Variants in PTCHD4 observed in about 807,000 individuals in gnomAD.
PTCHD4 encodes the protein patched domain containing 4.
A neutral mutation model predicts 58.1 loss-of-function variants in PTCHD4; 33 were observed. That is an observed-to-expected ratio of 0.57 (90% CI 0.43 to 0.76). The LOEUF (loss-of-function observed/expected upper bound fraction) is 0.76. Among genes scored for constraint, PTCHD4 ranks in the 30% least tolerant of loss-of-function variants. The probability of loss-of-function intolerance (pLI) is 0.00; values close to 1 mark genes in which losing one functional copy is unlikely to be tolerated. For missense variants in PTCHD4, 1,058 were observed against 1,027.1 expected (o/e 1.03, Z -0.41); for synonymous variants, 478 against 409.6 (o/e 1.17, Z -2.02).
chr6:47,976,018 T>G (rs1767678976), intron 4 of PTCHD4, among the ~76,000 whole-genome samples: 1 of 152,228 alleles, frequency 6.6e-6, no homozygotes, highest in African/African-American at 2.4e-5. Flanking sequence ...TTCGAGCATT[T>G]ATGGACTACT....
At chr6:47,983,427 TCAGA>T (rs1767955319) in intron 4 of PTCHD4, among the ~76,000 whole-genome samples, 1 of 152,180 alleles carries the variant, frequency 6.6e-6, no homozygotes, top group South Asian at 2.1e-4. Flanking sequence ...TTCTTACTGT[TCAGA>T]CAAACATTCT....
At chr6:48,011,117 T>C (rs1762654476) in intron 3 of PTCHD4, among the ~76,000 whole-genome samples, 1 of 148,716 alleles carries the variant, frequency 6.7e-6, no homozygotes, top group African/African-American at 2.5e-5. Context: ...CTTGGTCAAG[T>C]GGTATTTCTG....
intron 4 of PTCHD4, among the ~76,000 whole-genome samples, chr6:47,958,623 A>G (rs948215961): frequency 6.6e-6 from 1 of 152,184 alleles, no homozygotes; most frequent in East Asian, 1.9e-4. Context: ...CACAGAATAG[A>G]ATACTGGAGA....
At chr6:48,102,500 T>C (rs937204389) in intron 1 of PTCHD4, among the ~76,000 whole-genome samples, 10 of 152,174 alleles carry the variant, frequency 6.6e-5, no homozygotes, top group African/African-American at 2.2e-4. Context: ...GATGGCCAAA[T>C]AGGAACAGCT....
chr6:48,096,883 GAA>G (rs1321468688), intron 1 of PTCHD4, among the ~76,000 whole-genome samples: 1 of 151,978 alleles, frequency 6.6e-6, no homozygotes, highest in Non-Finnish European at 1.5e-5. Flanking sequence ...AATGTAAAAA[GAA>G]TGCATTGATT....
At chr6:48,103,412 C>T (rs1283796945) in intron 1 of PTCHD4, among the ~76,000 whole-genome samples, 2 of 152,126 alleles carry the variant, frequency 1.3e-5, no homozygotes, top group African/African-American at 4.8e-5. Context: ...AGAAGGAAAA[C>T]TAAAAAACAG....
intron 4 of PTCHD4, among the ~76,000 whole-genome samples, chr6:48,004,613 C>G (rs1208078824): frequency 6.6e-6 from 1 of 152,098 alleles, no homozygotes; most frequent in Non-Finnish European, 1.5e-5. Context: ...GAGGTCCTTT[C>G]AAGTATTTTT....
Position 47,967,762 on chromosome 6 carries a change from C to G in PTCHD4, c.898+40872G>C, listed in dbSNP as rs1767348387. Among the ~76,000 whole-genome samples, 4 of 152,188 alleles carry G rather than the reference C, an allele frequency of 2.6e-5. No individual in the cohort carries two copies. The South Asian group carries it at 8.3e-4, about 31-fold the overall frequency. On this transcript the variant is annotated intron_variant, in intron 4 of 4. Coordinates refer to ENST00000339488, the MANE Select transcript of PTCHD4 (RefSeq NM_001384253.1). ...TCTCTCCCTAAACTTCATGAATCAA[C>G]TTTTGCTAGCTTCAAACTTTTCTTC...
In PTCHD4 at chr6:47,879,193, C is replaced by A. The variant is rs1399219388; in HGVS notation, c.1642G>T (p.Val548Leu). 6.2e-7 allele frequency: 1 copy of A among 1,612,414 alleles called. No homozygotes were observed. The highest frequency in any genetic ancestry group is 8.5e-7 in the Non-Finnish European group (1 of 1,179,688). ...LCSGFTAVSW[V>L]EQYYQFLKVS... ...TTCAGGAACTGGTAGTACTGCTCCA[C>A]CCAGGACACTGCAGTGAATCCACTA... Residue 548 changes from valine to leucine, a missense_variant, in exon 5 of 5, where the codon GTG (valine) becomes TTG (leucine). Val to Leu is a conservative substitution (Grantham distance 32). Transcript: ENST00000339488.
At position 47,877,715 on chromosome 6, in the gene PTCHD4, T is replaced by C. The variant is rs762544438; in HGVS notation, c.*588A>G. Among the ~76,000 whole-genome samples, 1 of 152,030 alleles carries C rather than the reference T, an allele frequency of 6.6e-6. No homozygotes were observed. Among genetic ancestry groups the C allele is most frequent in the Non-Finnish European group, 1.5e-5 (1 of 67,980 alleles). Reference sequence around the variant, plus strand: ...AGGGAAAAGCCAGCCTATCTTCAAATGGACAGCTCCCTCCACATAAACGTC... The same window carrying C: ...AGGGAAAAGCCAGCCTATCTTCAAACGGACAGCTCCCTCCACATAAACGTC... On this transcript the variant is annotated 3_prime_UTR_variant, in exon 5 of 5. Coordinates refer to ENST00000339488, the MANE Select transcript of PTCHD4 (RefSeq NM_001384253.1).
chr6:47,878,863 C>T lies in PTCHD4; in HGVS notation c.1972G>A (p.Val658Ile). 6.2e-7 allele frequency: 1 copy of T among 1,613,712 alleles called. No individual in the cohort carries two copies. Among genetic ancestry groups the T allele is most frequent in the Non-Finnish European group, 8.5e-7 (1 of 1,179,770 alleles). ...DHYSLSVTVP[V>I]LIAGFGVLLV... is the part of the protein sequence containing the mutation. ...AGAACACCAAAGCCTGCAATCAGAA[C>T]AGGCACTGTGACAGACAAGCTGTAA... Residue 658 changes from valine (V) to isoleucine (I), a missense_variant, in exon 5 of 5, where the codon GTT becomes ATT. By Grantham distance (29) the Val-to-Ile change is conservative (BLOSUM62 3). Coordinates refer to ENST00000339488, the MANE Select transcript of PTCHD4 (RefSeq NM_001384253.1).
intron 4 of PTCHD4, among the ~76,000 whole-genome samples, chr6:47,910,591 A>G (rs1181938570): frequency 6.6e-6 from 1 of 152,142 alleles, no homozygotes; most frequent in Non-Finnish European, 1.5e-5. Flanking sequence ...TTGGTTCTTT[A>G]AATCAAGATA....
At chr6:47,911,939 T>G (rs1765083426) in intron 4 of PTCHD4, among the ~76,000 whole-genome samples, 1 of 152,128 alleles carries the variant, frequency 6.6e-6, no homozygotes, top group South Asian at 2.1e-4. Context: ...TGGAGGAGGA[T>G]TCAATGAAAT....
intron 3 of PTCHD4, among the ~76,000 whole-genome samples, chr6:48,054,161 T>C (rs1327429466): frequency 2.0e-5 from 3 of 152,144 alleles, no homozygotes; most frequent in Admixed American, 1.3e-4. Flanking sequence ...AGACATTACA[T>C]AATTGAAAAG....
intron 4 of PTCHD4, among the ~76,000 whole-genome samples, chr6:47,939,841 C>T (rs576313218): frequency 6.6e-6 from 1 of 152,180 alleles, no homozygotes; most frequent in South Asian, 2.1e-4. Flanking sequence ...AGAAAGAGCA[C>T]ATTCTTTGTT....
intron 4 of PTCHD4, among the ~76,000 whole-genome samples, chr6:47,896,574 A>C (rs1764536992): frequency 6.6e-6 from 1 of 152,222 alleles, no homozygotes; most frequent in South Asian, 2.1e-4. Context: ...ATCTTCCATG[A>C]AAATGTAAAT....
chr6:47,871,604 A>G lies in PTCHD4; in HGVS notation c.*6699T>C, dbSNP rs1763715086. 6.6e-6 allele frequency among the ~76,000 whole-genome samples: 1 copy of G among 151,680 alleles called. No individual in the cohort carries two copies. The highest frequency in any genetic ancestry group is 1.5e-5 in the Non-Finnish European group (1 of 67,742). ...AGTGGGACTGCATATAGGAGTGCTC[A>G]TTTTACATTTTGCCTTGTCTAATTT... On this transcript the variant is annotated 3_prime_UTR_variant, in exon 5 of 5. Coordinates refer to ENST00000339488, the MANE Select transcript of PTCHD4 (RefSeq NM_001384253.1).
At chr6:47,999,618 A>G (rs1768641717) in intron 4 of PTCHD4, among the ~76,000 whole-genome samples, 2 of 152,168 alleles carry the variant, frequency 1.3e-5, no homozygotes, top group South Asian at 4.1e-4. Flanking sequence ...GCTTTGGGAA[A>G]TAGACGTGCA....
At chr6:47,994,052 A>C (rs1477870323) in intron 4 of PTCHD4, among the ~76,000 whole-genome samples, 2 of 152,192 alleles carry the variant, frequency 1.3e-5, no homozygotes, top group Non-Finnish European at 2.9e-5. Flanking sequence ...TTGCTAGATC[A>C]GGGAAGGCGG....
Sources: allele counts gnomAD v4.1 joint callset (sites outside exome capture counted in the v4.1 genomes callset), GRCh38; gene constraint gnomAD v4.1.1; transcripts MANE v1.5; gene names NCBI Gene and HGNC (gene_info 2026-07-23, HGNC 2026-07-21).